PLEKHA6: variants seen among roughly 807,000 people sequenced by gnomAD.
PLEKHA6 encodes the protein pleckstrin homology domain-containing family A member 6.
Under a neutral mutation model 116.7 loss-of-function variants are expected in PLEKHA6, and 60 were observed. The observed-to-expected ratio is 0.51, with a 90% CI of 0.42 to 0.64. The LOEUF (loss-of-function observed/expected upper bound fraction) is 0.64. Among genes scored for constraint, PLEKHA6 ranks in the 30% least tolerant of loss-of-function variants. The pLI, the probability that PLEKHA6 is intolerant of heterozygous loss-of-function variation, is 0.00. For missense variants in PLEKHA6, 1,338 were observed against 1,422.7 expected, an observed-to-expected ratio of 0.94 and a Z score of 0.96; for synonymous variants, 489 against 556.1, an observed-to-expected ratio of 0.88 and a Z score of 1.70.
Position 204,241,477 on chromosome 1 carries a change from G to T in PLEKHA6, c.2307C>A (p.Gly769=). The T allele has an allele frequency of 1.3e-6, 2 of 1,594,770 alleles. No homozygotes were observed. The highest frequency in any genetic ancestry group is 8.5e-7 in the Non-Finnish European group (1 of 1,169,756). The change falls in exon 17 of 23, where the codon GGC becomes GGA. Residue 769 remains glycine, a synonymous_variant. Transcript: ENST00000272203. ...AEKQAALNKV[G]VVPPRTKSPT... is the part of the protein sequence containing the mutation. Reference sequence around the variant, plus strand: ...GCGATTTTGTCCGAGGGGGCACAACGCCAACTGCAGAAAGACAGAGTAGCC... The same window carrying T: ...GCGATTTTGTCCGAGGGGGCACAACTCCAACTGCAGAAAGACAGAGTAGCC...
At chr1:204,256,329 C>G (rs1665277156) in intron 9 of PLEKHA6, among the ~76,000 whole-genome samples, 1 of 152,118 alleles carries the variant, frequency 6.6e-6, no homozygotes, top group African/African-American at 2.4e-5. Context: ...TAGAAAGAGG[C>G]AGAGAAAAAG....
At chr1:204,230,030 G>C (rs1436658518) in intron 18 of PLEKHA6, among the ~76,000 whole-genome samples, 1 of 152,248 alleles carries the variant, frequency 6.6e-6, no homozygotes, top group African/African-American at 2.4e-5. Context: ...GCAATGGTGA[G>C]CTATTATGAT....
chr1:204,257,507 G>A lies in PLEKHA6; in HGVS notation c.1370C>T (p.Pro457Leu). The change falls in exon 9 of 23, where the codon CCC becomes CTC. Residue 457 changes from proline to leucine, a missense_variant. This residue lies in a region of PLEKHA6 where 1,136 missense variants were observed against 1,163.6 expected (regional missense o/e 0.98). Coordinates refer to ENST00000272203, the MANE Select transcript of PLEKHA6 (RefSeq NM_014935.5). The surrounding 1 kb of genome is among the most constrained non-coding windows in gnomAD (Gnocchi z 6.5). ...LSLQPRSHSVPRSPSQGSYSR... is the reference protein window; with the variant it reads ...LSLQPRSHSVLRSPSQGSYSR... ...GTAGGAGCCCTGGCTGGGTGAGCGG[G>A]GCACAGAGTGGGAGCGGGGCTGCAG... The A allele has an allele frequency of 2.5e-6, 4 of 1,587,340 alleles. No individual in the cohort carries two copies. The highest frequency in any genetic ancestry group is 3.4e-6 in the Non-Finnish European group (4 of 1,165,260).
Position 204,223,468 on chromosome 1 carries a change from G to T in PLEKHA6, c.*2C>A. The T allele has an allele frequency of 1.3e-6, 2 of 1,520,406 alleles. No individual in the cohort carries two copies. Among genetic ancestry groups the T allele is most frequent in the Non-Finnish European group, 1.8e-6 (2 of 1,118,490 alleles). 94.2% of individuals were successfully genotyped at this position (1,520,406 alleles called of 1,614,324 possible). On this transcript the variant is annotated 3_prime_UTR_variant, in exon 22 of 23. Coordinates refer to ENST00000272203, the MANE Select transcript of PLEKHA6 (RefSeq NM_014935.5). The surrounding 1 kb of genome is among the most constrained non-coding windows in gnomAD (Gnocchi z 4.8). ...ACAGTAGAAAAGTGCTTACGTCAGA[G>T]CTCAGACCCGCATGGTATAGCTGCT...
chr1:204,308,838 A>G (rs777114147), intron 1 of PLEKHA6, among the ~76,000 whole-genome samples: 3 of 151,040 alleles, frequency 2.0e-5, no homozygotes, highest in Admixed American at 1.3e-4. Context: ...ACAGGCACCC[A>G]CCATCACGCC....
At chr1:204,243,399 A>C (rs1484838612) in intron 15 of PLEKHA6, 1 of 397,952 alleles carries the variant, frequency 2.5e-6, no homozygotes, top group Non-Finnish European at 4.4e-6. Flanking sequence ...CTGCACTCCC[A>C]CCCGTGGCCT....
At chr1:204,326,004 C>A in intron 1 of PLEKHA6, 1 of 579,856 alleles carries the variant, frequency 1.7e-6, no homozygotes, top group South Asian at 7.6e-5. Context: ...CCTCACCCTG[C>A]CCAGCCGTCT....
chr1:204,241,535 G>A (rs1256391584), intron 16 of PLEKHA6, 54 bp from the exon 17 acceptor site: 7 of 1,416,558 alleles, frequency 4.9e-6, no homozygotes, highest in Non-Finnish European at 6.7e-6. Flanking sequence ...AAGGCAGGAA[G>A]CCTCCTTCTC....
chr1:204,376,861 T>C (rs1673879605), intron 1 of PLEKHA6, among the ~76,000 whole-genome samples: 1 of 152,194 alleles, frequency 6.6e-6, no homozygotes, highest in Non-Finnish European at 1.5e-5. Flanking sequence ...CTGGAAGATG[T>C]CTATCCTGGC....
intron 1 of PLEKHA6, chr1:204,275,736 A>G (rs1176746261): frequency 1.0e-6 from 1 of 984,830 alleles, no homozygotes; most frequent in Non-Finnish European, 1.2e-6. Flanking sequence ...GCAACCCCCA[A>G]GATGGATCCA....
intron 17 of PLEKHA6, among the ~76,000 whole-genome samples, chr1:204,233,743 C>T (rs1661555467): frequency 6.6e-6 from 1 of 152,052 alleles, no homozygotes. Flanking sequence ...ACCACTGCAC[C>T]TGGCCAATTA....
chr1:204,339,237 C>T (rs1246718026), intron 1 of PLEKHA6, among the ~76,000 whole-genome samples: 1 of 152,214 alleles, frequency 6.6e-6, no homozygotes, highest in Non-Finnish European at 1.5e-5. Context: ...GGCAGCCCAG[C>T]CAGTCGAGCC....
At chr1:204,314,106 T>C (rs903451592) in intron 1 of PLEKHA6, among the ~76,000 whole-genome samples, 31 of 152,176 alleles carry the variant, frequency 2.0e-4, no homozygotes, top group Non-Finnish European at 3.1e-4. Flanking sequence ...GATGTCCTCT[T>C]ACCTGTCTTC....
rs887713097 is a variant in PLEKHA6, at chr1:204,306,848, A to T, written c.-94-32039T>A. On this transcript the variant is annotated intron_variant, in intron 1 of 22. Coordinates refer to ENST00000272203, the MANE Select transcript of PLEKHA6 (RefSeq NM_014935.5). ...ATCCCCCACCATCTAAAATTAAAAAAACAAGTGTTCTAAGCACCTACAAAA... is the reference window on the plus strand; with the variant it reads ...ATCCCCCACCATCTAAAATTAAAAATACAAGTGTTCTAAGCACCTACAAAA... 4.6e-5 allele frequency among the ~76,000 whole-genome samples: 7 copies of T among 152,184 alleles called. No individual in the cohort carries two copies. The East Asian group carries it at 9.6e-4, about 21-fold the overall frequency.
At chr1:204,224,949 C>G (rs1242677870) in intron 21 of PLEKHA6, among the ~76,000 whole-genome samples, 1 of 152,178 alleles carries the variant, frequency 6.6e-6, no homozygotes, top group Non-Finnish European at 1.5e-5. Flanking sequence ...GGACATGCAG[C>G]GAGGCTCTCA....
intron 1 of PLEKHA6, chr1:204,317,150 T>A (rs1404333939): frequency 3.3e-6 from 2 of 603,188 alleles, no homozygotes; most frequent in Non-Finnish European, 4.2e-6. Context: ...AATAACTTGG[T>A]AAATATAAAA....
intron 17 of PLEKHA6, among the ~76,000 whole-genome samples, chr1:204,236,855 C>G (rs1662128222): frequency 6.6e-6 from 1 of 152,184 alleles, no homozygotes; most frequent in Non-Finnish European, 1.5e-5. Flanking sequence ...CAGTCAATTT[C>G]CATTCTTGAG....
intron 1 of PLEKHA6, among the ~76,000 whole-genome samples, chr1:204,292,665 G>C (rs1669891329): frequency 6.6e-6 from 1 of 152,216 alleles, no homozygotes; most frequent in South Asian, 2.1e-4. Context: ...TGCTCACCCA[G>C]CACTGGGTGG....
At chr1:204,297,993 G>T in intron 1 of PLEKHA6, 1 of 716,308 alleles carries the variant, frequency 1.4e-6, no homozygotes, top group Non-Finnish European at 1.7e-6. Flanking sequence ...CTTTCTCATG[G>T]TTCACAATTG....
Sources: allele counts gnomAD v4.1 joint callset (sites outside exome capture counted in the v4.1 genomes callset), GRCh38; gene constraint gnomAD v4.1.1; regional missense constraint gnomAD v4.1.1; non-coding constraint Gnocchi (gnomAD v3.1); transcripts MANE v1.5; gene names NCBI Gene and HGNC (gene_info 2026-07-23, HGNC 2026-07-21).